The following MEGF8 variants were observed in gnomAD, a reference collection of about 807,000 sequenced individuals.
The protein encoded by MEGF8 is multiple epidermal growth factor-like domains protein 8.
Under a neutral mutation model 302.9 loss-of-function variants are expected in MEGF8, and 156 were observed. The observed-to-expected ratio is 0.52, with a 90% confidence interval of 0.45 to 0.59. The LOEUF (loss-of-function observed/expected upper bound fraction) is 0.59. Ranked by LOEUF, MEGF8 falls within the 20% of genes least tolerant of loss-of-function variation. The probability of loss-of-function intolerance (pLI) is 0.00; values close to 1 mark genes in which losing one functional copy is unlikely to be tolerated. For missense variants in MEGF8, 3,345 were observed against 3,964.5 expected, an observed-to-expected ratio of 0.84 and a Z score of 4.20; for synonymous variants, 1,621 against 1,660.5, an observed-to-expected ratio of 0.98 and a Z score of 0.58.
In MEGF8 at chr19:42,370,712, G is replaced by A; in HGVS notation, c.7017G>A (p.Trp2339Ter). The A allele has an allele frequency of 6.3e-7, 1 of 1,592,852 alleles. No individual in the cohort carries two copies. Among genetic ancestry groups the A allele is most frequent in the South Asian group, 1.1e-5 (1 of 87,348 alleles). The change falls in exon 40 of 42, where the codon TGG becomes TGA. Residue 2339 changes from tryptophan (W) to a stop codon, truncating the protein, a stop_gained. Coordinates refer to ENST00000251268, the MANE Select transcript of MEGF8 (RefSeq NM_001271938.2). LOFTEE classifies it high-confidence loss of function. The stretch of plus-strand genomic sequence containing the variant: ...CCTTCCTTGGCCAGATTGAAAACTG[G>A]GTGACAGAGGGTCCTAGTGAAGACG... Reference protein sequence around the residue: ...YSLDPEEIENWVTEGPSEDEA... With the variant: ...YSLDPEEIEN
At chr19:42,362,069 G>T in intron 32 of MEGF8, 21 bp from the exon 33 acceptor site, 1 of 1,610,162 alleles carries the variant, frequency 6.2e-7, no homozygotes, top group South Asian at 1.1e-5. Context: ...GTGTGAGTGA[G>T]CCAGGCCTCA....
chr19:42,341,899 C>T (rs851291), intron 8 of MEGF8, among the ~76,000 whole-genome samples: 1,628 of 152,252 alleles, frequency 0.011, 40 homozygotes, highest in African/African-American at 0.037. Context: ...GATGCTTATA[C>T]CTGCAAGTTG....
intron 12 of MEGF8, among the ~76,000 whole-genome samples, chr19:42,345,985 G>A (rs376807118): frequency 6.6e-6 from 1 of 152,214 alleles, no homozygotes; most frequent in African/African-American, 2.4e-5. Context: ...ACTGCAACCT[G>A]CAGCTCCCGG....
intron 35 of MEGF8, among the ~76,000 whole-genome samples, chr19:42,363,952 G>A (rs968441848): frequency 3.9e-5 from 6 of 152,148 alleles, no homozygotes; most frequent in Admixed American, 6.5e-5. Flanking sequence ...CAGAGACCAC[G>A]TTCATCTCTG....
In MEGF8 at chr19:42,333,809, T is replaced by C. The variant is rs772987357; in HGVS notation, c.351+41T>C. 6 of 1,603,880 alleles carry C rather than the reference T, an allele frequency of 3.7e-6. 1 individual carries two copies. In the South Asian group the frequency reaches 6.7e-5, roughly 18 times the overall value. Reference sequence around the variant, plus strand: ...GCCGTGGCAGATACACCGAGGGAAATGGAAGAAGAAAGGAGGGACAGAGAG... The same window carrying C: ...GCCGTGGCAGATACACCGAGGGAAACGGAAGAAGAAAGGAGGGACAGAGAG... On this transcript the variant is annotated intron_variant, in intron 2 of 41. Coordinates refer to ENST00000251268, the MANE Select transcript of MEGF8 (RefSeq NM_001271938.2).
Position 42,326,040 on chromosome 19 carries a change from A to C in MEGF8, c.-204A>C. ...CATATACAGGGCCTTCCATCGCTCT[A>C]TAGGGCTCAGCCCTCGGCTTCCAGA... On this transcript the variant is annotated 5_prime_UTR_variant, in exon 1 of 42. Coordinates refer to ENST00000251268, the MANE Select transcript of MEGF8 (RefSeq NM_001271938.2). 1.2e-6 allele frequency: 1 copy of C among 816,906 alleles called. No individual in the cohort carries two copies. Among genetic ancestry groups the C allele is most frequent in the Non-Finnish European group, 1.7e-6 (1 of 574,860 alleles). The allele number at this position is 816,906 out of a possible 1,614,324, so 50.6% of individuals were successfully genotyped here.
chr19:42,334,800 T>C (rs563903034), intron 3 of MEGF8, among the ~76,000 whole-genome samples: 1 of 152,288 alleles, frequency 6.6e-6, no homozygotes, highest in East Asian at 1.9e-4. Context: ...TGATTGTTTC[T>C]CTTTGTCTCT....
chr19:42,349,715 C>T lies in MEGF8; in HGVS notation c.2499+16C>T. Reference sequence around the variant, plus strand: ...AGGAGGCAGCGTGAGTACCCAGGACCTACCTCCAACCCTAGCCGCAGGCCC... The same window carrying T: ...AGGAGGCAGCGTGAGTACCCAGGACTTACCTCCAACCCTAGCCGCAGGCCC... On this transcript the variant is annotated intron_variant, in intron 14 of 41. Coordinates refer to ENST00000251268, the MANE Select transcript of MEGF8 (RefSeq NM_001271938.2). 6.2e-7 allele frequency: 1 copy of T among 1,605,678 alleles called. No homozygotes were observed. The highest frequency in any genetic ancestry group is 8.5e-7 in the Non-Finnish European group (1 of 1,175,598).
intron 8 of MEGF8, among the ~76,000 whole-genome samples, chr19:42,340,679 T>G: frequency 6.6e-6 from 1 of 151,340 alleles, no homozygotes; most frequent in East Asian, 2.0e-4. Flanking sequence ...TTTGTTTTAT[T>G]TTACTTGAGA....
chr19:42,374,389 T>G (rs1255312997), intron 41 of MEGF8, among the ~76,000 whole-genome samples: 1 of 149,876 alleles, frequency 6.7e-6, no homozygotes, highest in Admixed American at 6.7e-5. Context: ...GAGAATCGCT[T>G]GAACCCGGGA....
chr19:42,343,963 G>T lies in MEGF8; in HGVS notation c.1678G>T (p.Asp560Tyr). ...CCTTGCCTCCCTGCAGTACCACTTG[G>T]ACTACTGCTCCATGTACACAGACCA... The part of the protein sequence containing the change: ...FQAPAPDYHL[D>Y]YCSMYTDHSV... The change falls in exon 10 of 42, where the codon GAC becomes TAC. Residue 560 changes from aspartate to tyrosine, a missense_variant. By Grantham distance (160) the Asp-to-Tyr change is radical (BLOSUM62 -3). Coordinates refer to ENST00000251268, the MANE Select transcript of MEGF8 (RefSeq NM_001271938.2). The T allele has an allele frequency of 6.2e-7, 1 of 1,613,592 alleles. No homozygotes were observed.
At position 42,349,665 on chromosome 19, in the gene MEGF8, T is replaced by C; in HGVS notation, c.2465T>C (p.Leu822Pro). 6.2e-7 allele frequency: 1 copy of C among 1,612,180 alleles called. No homozygotes were observed. The highest frequency in any genetic ancestry group is 8.5e-7 in the Non-Finnish European group (1 of 1,179,814). ...SAGPGHSELT[L>P]LWDRTGVPGG... ...GGCCCTGGGCACAGCGAGCTAACTC[T>C]GCTGTGGGATCGGACTGGTGTGCCA... Residue 822 changes from leucine (L) to proline (P), a missense_variant, in exon 14 of 42, where the codon CTG becomes CCG. By Grantham distance (98) the Leu-to-Pro change is moderately conservative. Coordinates refer to ENST00000251268, the MANE Select transcript of MEGF8 (RefSeq NM_001271938.2).
chr19:42,354,522 C>A lies in MEGF8; in HGVS notation c.4012-66C>A. ...GCCCTCCCCTCTTGAACCCCTCCTC[C>A]TCCCAGACCCCAGGTGTCGTTCTCA... is the stretch of plus-strand genomic sequence containing the variant. On this transcript the variant is annotated intron_variant, in intron 22 of 41. Coordinates refer to ENST00000251268, the MANE Select transcript of MEGF8 (RefSeq NM_001271938.2). This position sits in a 1 kb window ranked among gnomAD's most constrained non-coding sequence, Gnocchi z 4.3. 1 of 1,545,668 alleles carries A rather than the reference C, an allele frequency of 6.5e-7. No individual in the cohort carries two copies. The highest frequency in any genetic ancestry group is 2.3e-5 in the East Asian group (1 of 43,912).
intron 35 of MEGF8, among the ~76,000 whole-genome samples, chr19:42,365,553 G>A (rs926463571): frequency 8.0e-5 from 12 of 149,668 alleles, no homozygotes; most frequent in Admixed American, 4.0e-4. Flanking sequence ...ATTACTTGAG[G>A]CCAGGAGTTC....
Position 42,370,274 on chromosome 19 carries a change from G to C in MEGF8, c.6920G>C (p.Arg2307Pro), listed in dbSNP as rs142506261. The change falls in exon 39 of 42, where the codon CGT (arginine) becomes CCT (proline). Residue 2307 changes from arginine (R) to proline (P), a missense_variant. By Grantham distance (103) the Arg-to-Pro change is moderately radical. Transcript: ENST00000251268. ...GTCRPCHAFC[R>P]GNSHICISRK... ...TGCCGGCCCTGCCACGCCTTTTGTC[G>C]TGGAAATAGCCACATCTGCATCTCC... The C allele has an allele frequency of 6.2e-7, 1 of 1,613,734 alleles. No homozygotes were observed. Among genetic ancestry groups the C allele is most frequent in the African/African-American group, 1.3e-5 (1 of 74,922 alleles).
chr19:42,352,100 AT>A lies in MEGF8; in HGVS notation c.3102-105del. The stretch of plus-strand genomic sequence containing the variant: ...TCTCTGTCTCTCTTTCCAAATTTGT[AT>A]TTGCATCCCTCTCCTTCCAATTGGC... On this transcript the variant is annotated intron_variant, in intron 18 of 41. Coordinates refer to ENST00000251268, the MANE Select transcript of MEGF8 (RefSeq NM_001271938.2). This position sits in a 1 kb window ranked among gnomAD's most constrained non-coding sequence, Gnocchi z 4.4. 5.9e-6 allele frequency: 8 copies of A among 1,345,006 alleles called. No individual in the cohort carries two copies. The highest frequency in any genetic ancestry group is 6.9e-6 in the Non-Finnish European group (7 of 1,011,052). The allele number at this position is 1,345,006 out of a possible 1,614,324, so 83.3% of individuals were successfully genotyped here.
At position 42,376,498 on chromosome 19, in the gene MEGF8, C is replaced by T. The variant is rs1365022835; in HGVS notation, c.8261C>T (p.Pro2754Leu). ...CCCATGGGAGGGGGCTGCTGCCCAC[C>T]AGCCATCCCCGCCACCACTGCTGGG... ...WGPMGGGCCPPAIPATTAGLR... is the reference protein window; with the variant it reads ...WGPMGGGCCPLAIPATTAGLR... The change falls in exon 42 of 42, where the codon CCA becomes CTA. Residue 2754 changes from proline to leucine, a missense_variant. By Grantham distance (98) the Pro-to-Leu change is moderately conservative. Coordinates refer to ENST00000251268, the MANE Select transcript of MEGF8 (RefSeq NM_001271938.2). This position sits in a 1 kb window ranked among gnomAD's most constrained non-coding sequence, Gnocchi z 8.2. 6.3e-7 allele frequency: 1 copy of T among 1,579,576 alleles called. No individual in the cohort carries two copies.
intron 35 of MEGF8, among the ~76,000 whole-genome samples, chr19:42,364,237 C>T (rs1001532709): frequency 1.8e-4 from 28 of 152,146 alleles, no homozygotes; most frequent in African/African-American, 5.8e-4. Context: ...ATTCCAAAGA[C>T]GCTTCCACCT....
At position 42,357,393 on chromosome 19, in the gene MEGF8, C is replaced by T. The variant is rs564428760; in HGVS notation, c.4831-11C>T. ...TAGCCCCATCGGTGACCTTGCCCCT[C>T]CATCCCTCAGGCCCCCCAGACCGTG... On this transcript the variant is annotated splice_polypyrimidine_tract_variant and intron_variant, in intron 27 of 41. Transcript: ENST00000251268. This position sits in a 1 kb window ranked among gnomAD's most constrained non-coding sequence, Gnocchi z 5.2. 5.0e-5 allele frequency: 80 copies of T among 1,611,112 alleles called. No homozygotes were observed. The highest frequency in any genetic ancestry group is 9.3e-5 in the African/African-American group (7 of 74,874).
Sources: gnomAD v4.1 joint callset for allele counts (sites outside exome capture counted in the v4.1 genomes callset) on GRCh38, gnomAD v4.1.1 for gene constraint, Gnocchi (gnomAD v3.1) non-coding constraint, MANE v1.5 for transcripts, NCBI Gene and HGNC (gene_info 2026-07-23, HGNC 2026-07-21) for gene names.